Variants in SMAD4 observed in about 807,000 individuals in gnomAD.
SMAD4 encodes MAD homolog 4.
In SMAD4, 7 loss-of-function variants were observed where a neutral mutation model predicts 63.2. The ratio of observed to expected loss-of-function variants is 0.11; its 90% CI spans 0.06 to 0.21. SMAD4 has a LOEUF of 0.21. SMAD4 is among the 10% of genes least tolerant of loss of function. The pLI is 1.00. For missense variants in SMAD4, 312 were observed against 693.8 expected, an observed-to-expected ratio of 0.45 and a Z score of 6.18; for synonymous variants, 215 against 235.4, an observed-to-expected ratio of 0.91 and a Z score of 0.79.
rs1452122852 is a variant in SMAD4 at position 51,054,947 on chromosome 18, T to C, written c.621T>C (p.Asn207=). 3 of 1,614,150 alleles carry C rather than the reference T, an allele frequency of 1.9e-6. No individual in the cohort carries two copies. The highest frequency in any genetic ancestry group is 4.5e-5 in the East Asian group (2 of 44,870). Residue 207 remains asparagine (N), a synonymous_variant, in exon 5 of 12, where the codon AAT becomes AAC. Coordinates refer to ENST00000342988, the MANE Select transcript of SMAD4 (RefSeq NM_005359.6). ...TPALLAPSES[N]ATSTANFPNI... is the part of the protein sequence containing the mutation. ...CTCTGTTAGCCCCATCTGAGTCTAA[T>C]GCTACCAGCACTGCCAACTTTCCCA...
intron 1 of SMAD4, among the ~76,000 whole-genome samples, chr18:51,042,328 C>CCTCTCTCCCTCT (rs1398630245): frequency 8.9e-6 from 1 of 112,504 alleles, no homozygotes; most frequent in African/African-American, 3.2e-5. Flanking sequence ...TCCCTCCCTC[C>CCTCTCTCCCTCT]CTCTCTCCCT....
At chr18:51,055,416 CACTG>C (rs1343279321) in intron 5 of SMAD4, among the ~76,000 whole-genome samples, 3 of 152,162 alleles carry the variant, frequency 2.0e-5, no homozygotes, top group Non-Finnish European at 4.4e-5. Flanking sequence ...CTGATTTTCT[CACTG>C]TGCAAAGGGA....
In SMAD4 at chr18:51,067,143, C is replaced by G. The variant is rs2144452672; in HGVS notation, c.1264C>G (p.Pro422Ala). The change falls in exon 10 of 12, where the codon CCT (proline) becomes GCT (alanine). Residue 422 changes from proline (P) to alanine (A), a missense_variant. By Grantham distance (27) the Pro-to-Ala change is conservative. This residue lies in a region of SMAD4 where 92 missense variants were observed against 305.9 expected (regional missense o/e 0.30). Transcript: ENST00000342988. ...YYLDREAGRA[P>A]GDAVHKIYPS... The stretch of plus-strand genomic sequence containing the variant: ...CTTAGACAGAGAAGCTGGGCGTGCA[C>G]CTGGAGATGCTGTTCATAAGATCTA... The G allele has an allele frequency of 6.2e-7, 1 of 1,608,834 alleles. No individual in the cohort carries two copies. Among genetic ancestry groups the G allele is most frequent in the Admixed American group, 1.7e-5 (1 of 59,966 alleles).
chr18:51,067,593 A>G (rs982649891), intron 10 of SMAD4, among the ~76,000 whole-genome samples: 9 of 152,012 alleles, frequency 5.9e-5, no homozygotes, highest in African/African-American at 2.2e-4. Flanking sequence ...TTGTATTTTT[A>G]GTAGAGACGG....
chr18:51,068,509 T>C (rs1386182656), intron 10 of SMAD4, among the ~76,000 whole-genome samples: 1 of 152,224 alleles, frequency 6.6e-6, no homozygotes, highest in Non-Finnish European at 1.5e-5. Context: ...ATCAATTCCC[T>C]GTTAAAATTT....
chr18:51,035,062 T>A (rs895347027), intron 1 of SMAD4, among the ~76,000 whole-genome samples: 1 of 152,218 alleles, frequency 6.6e-6, no homozygotes, highest in African/African-American at 2.4e-5. Context: ...GTTACACACA[T>A]GTACAGTGTA....
intron 10 of SMAD4, among the ~76,000 whole-genome samples, chr18:51,070,068 T>G (rs1351864717): frequency 6.6e-6 from 1 of 152,232 alleles, no homozygotes; most frequent in African/African-American, 2.4e-5. Flanking sequence ...AGAAGGTGAT[T>G]ATGTATACCC....
At chr18:51,047,350 G>A (rs1909575331) in intron 2 of SMAD4, 55 bp downstream of exon 2, 1 of 1,533,472 alleles carries the variant, frequency 6.5e-7, no homozygotes, top group Non-Finnish European at 9.0e-7. Context: ...TTAAAAACTT[G>A]CTACGTTTCC....
chr18:51,032,609 C>T (rs529911266), intron 1 of SMAD4, among the ~76,000 whole-genome samples: 33 of 152,196 alleles, frequency 2.2e-4, no homozygotes, highest in African/African-American at 7.7e-4. Context: ...TTCTTTCTCC[C>T]CGCAAATTAA....
chr18:51,070,408 A>G (rs1031980340), intron 10 of SMAD4, among the ~76,000 whole-genome samples: 5 of 152,208 alleles, frequency 3.3e-5, no homozygotes, highest in Admixed American at 2.6e-4. Context: ...TACCATGAAA[A>G]GTAGATAAAT....
chr18:51,037,174 A>G (rs1264350014), intron 1 of SMAD4, among the ~76,000 whole-genome samples: 1 of 152,166 alleles, frequency 6.6e-6, no homozygotes, highest in Non-Finnish European at 1.5e-5. Flanking sequence ...ACAGAGCGAG[A>G]CTGTCTCAAA....
chr18:51,076,789 T>C lies in SMAD4; in HGVS notation c.1447+13T>C, dbSNP rs1272690180. 4 of 1,587,218 alleles carry C rather than the reference T, an allele frequency of 2.5e-6. No homozygotes were observed. The South Asian group carries it at 4.5e-5, about 18-fold the overall frequency. ...GCTCCAGCTATCAGTAAGTATGCTT[T>C]TCATTCTTTTTTAAAGGTATAATAG... On this transcript the variant is annotated intron_variant, in intron 11 of 11. Coordinates refer to ENST00000342988, the MANE Select transcript of SMAD4 (RefSeq NM_005359.6).
rs374687785 is a variant in SMAD4, at chr18:51,058,259, T to G, written c.787+15T>G. ...TTACCATCATAGTATGTACATACTT[T>G]AAAAAATCTTTTAAATAGTTGAGAA... On this transcript the variant is annotated intron_variant, in intron 6 of 11. Transcript: ENST00000342988. 36 of 1,611,062 alleles carry G rather than the reference T, an allele frequency of 2.2e-5. No individual in the cohort carries two copies. Among genetic ancestry groups the G allele is most frequent in the Non-Finnish European group, 2.8e-5 (33 of 1,178,138 alleles).
At chr18:51,042,934 T>C (rs1198392062) in intron 1 of SMAD4, among the ~76,000 whole-genome samples, 1 of 152,220 alleles carries the variant, frequency 6.6e-6, no homozygotes, top group Non-Finnish European at 1.5e-5. Flanking sequence ...TATAACACGT[T>C]TGTCTTGGAA....
At chr18:51,048,313 A>G (rs1223118675) in intron 2 of SMAD4, among the ~76,000 whole-genome samples, 1 of 152,048 alleles carries the variant, frequency 6.6e-6, no homozygotes, top group African/African-American at 2.4e-5. Context: ...ACATACCACC[A>G]TGCCTGGGTA....
chr18:51,083,455 T>G lies in SMAD4; in HGVS notation c.*4988T>G. 4.4e-6 allele frequency: 1 copy of G among 228,422 alleles called. No individual in the cohort carries two copies. The allele number at this position is 228,422 out of a possible 1,614,324, so 14.1% of individuals were successfully genotyped here. ...ATGAATGAAACTTTTTGTCCTTTTT[T>G]TTTCTGTTTTTTTTTTTCTAATGTA... On this transcript the variant is annotated 3_prime_UTR_variant, in exon 12 of 12. Transcript: ENST00000342988.
At chr18:51,076,562 A>G (rs1480070896) in intron 10 of SMAD4, 76 bp from the exon 11 acceptor site, 16 of 1,320,968 alleles carry the variant, frequency 1.2e-5, no homozygotes, top group Non-Finnish European at 1.6e-5. Context: ...TGAGTTTTAA[A>G]TAAGTCAGGC....
chr18:51,049,384 G>A, intron 4 of SMAD4, 60 bp downstream of exon 4: 1 of 1,291,092 alleles, frequency 7.7e-7, no homozygotes. Context: ...CTGTTTTTTT[G>A]TTGACCTAGA....
Position 51,078,672 on chromosome 18 carries a change from G to C in SMAD4, c.*205G>C. The C allele has an allele frequency of 1.8e-6, 1 of 554,154 alleles. No individual in the cohort carries two copies. Among genetic ancestry groups the C allele is most frequent in the Non-Finnish European group, 3.2e-6 (1 of 311,780 alleles). 34.3% of individuals were successfully genotyped at this position (554,154 alleles called of 1,614,324 possible). A position where few individuals can be genotyped will look rare whatever the true frequency, so the allele number is the denominator to read the frequency against. Reference sequence around the variant, plus strand: ...TCCTCTTCAGAACTTGTCAGGCATGGCTCAGAGCTTGAAGATTAGGAGAAA... The same window carrying C: ...TCCTCTTCAGAACTTGTCAGGCATGCCTCAGAGCTTGAAGATTAGGAGAAA... On this transcript the variant is annotated 3_prime_UTR_variant, in exon 12 of 12. Transcript: ENST00000342988.
Sources: allele counts gnomAD v4.1 joint callset (sites outside exome capture counted in the v4.1 genomes callset), GRCh38; gene constraint gnomAD v4.1.1; regional missense constraint gnomAD v4.1.1; transcripts MANE v1.5; gene names NCBI Gene and HGNC (gene_info 2026-07-23, HGNC 2026-07-21).